Variants in FKBP5 observed in about 807,000 individuals in gnomAD.
FKBP5 encodes the protein FKBP prolyl isomerase 5, also known as peptidyl-prolyl cis-trans isomerase FKBP5.
In FKBP5, 23 loss-of-function variants were observed where a neutral mutation model predicts 50.5. That is an observed-to-expected ratio of 0.46 (90% CI 0.33 to 0.65). The LOEUF (loss-of-function observed/expected upper bound fraction) is 0.65, where lower values mean the gene tolerates loss of function less well. Among genes scored for constraint, FKBP5 ranks in the 30% least tolerant of loss-of-function variants. The pLI is 0.02. For missense variants in FKBP5, 411 were observed against 553.1 expected, an observed-to-expected ratio of 0.74 and a Z score of 2.58; for synonymous variants, 176 against 190.6, an observed-to-expected ratio of 0.92 and a Z score of 0.63.
intron 2 of FKBP5, among the ~76,000 whole-genome samples, chr6:35,641,716 C>A (rs1197443190): frequency 6.6e-6 from 1 of 151,970 alleles, no homozygotes; most frequent in Non-Finnish European, 1.5e-5. Flanking sequence ...AAAAATAAAC[C>A]CCTTTGGGCC....
At chr6:35,672,493 A>C (rs1765415364) in intron 1 of FKBP5, among the ~76,000 whole-genome samples, 1 of 151,640 alleles carries the variant, frequency 6.6e-6, no homozygotes, top group African/African-American at 2.4e-5. Context: ...TTAAAGAAAT[A>C]ATGTGGCAGA....
intron 3 of FKBP5, among the ~76,000 whole-genome samples, chr6:35,622,576 G>GT (rs956932787): frequency 7.2e-5 from 11 of 151,960 alleles, no homozygotes; most frequent in Admixed American, 7.2e-4. Flanking sequence ...GAGATGGAAA[G>GT]TGAAAGCTGA....
intron 5 of FKBP5, among the ~76,000 whole-genome samples, chr6:35,610,757 G>C (rs1763468464): frequency 6.6e-6 from 1 of 151,798 alleles, no homozygotes; most frequent in East Asian, 1.9e-4. Flanking sequence ...GTCACAGTCA[G>C]ACCGTAGTCT....
chr6:35,577,196 T>C lies in FKBP5; in HGVS notation c.1064A>G (p.Tyr355Cys). 2 of 1,613,316 alleles carry C rather than the reference T, an allele frequency of 1.2e-6. No homozygotes were observed. The highest frequency in any genetic ancestry group is 1.7e-6 in the Non-Finnish European group (2 of 1,179,504). Reference protein sequence around the residue: ...GLDSANEKGLYRRGEAQLLMN... With the variant: ...GLDSANEKGLCRRGEAQLLMN... ...GAGCAGCTGGGCTTCACCCCTCCTA[T>C]ACAAGCCTTTCTCATTGGCACTGTC... Residue 355 changes from tyrosine to cysteine, a missense_variant, in exon 10 of 11, where the codon TAT becomes TGT. Physicochemically the swap from Tyr to Cys is radical, Grantham distance 194. Around this residue, in one of 3 missense-constraint regions of FKBP5, gnomAD observed 267 missense variants for 405.9 expected, o/e 0.66. Transcript: ENST00000357266.
intron 8 of FKBP5, chr6:35,585,196 T>C (rs971672557): frequency 1.4e-5 from 14 of 975,888 alleles, no homozygotes; most frequent in Non-Finnish European, 1.6e-5. Flanking sequence ...AGGAAATATA[T>C]AAAATATAGT....
chr6:35,677,218 C>T (rs1188671324), intron 1 of FKBP5, among the ~76,000 whole-genome samples: 1 of 152,122 alleles, frequency 6.6e-6, no homozygotes, highest in Non-Finnish European at 1.5e-5. Context: ...GGACTACAGG[C>T]GCCTGCCACC....
intron 1 of FKBP5, among the ~76,000 whole-genome samples, chr6:35,654,688 G>A (rs1189976524): frequency 6.6e-6 from 1 of 152,118 alleles, no homozygotes; most frequent in Non-Finnish European, 1.5e-5. Context: ...GCAATGGCAC[G>A]ATCTCAGATC....
At chr6:35,602,779 G>C (rs1436933477) in intron 5 of FKBP5, among the ~76,000 whole-genome samples, 2 of 152,044 alleles carry the variant, frequency 1.3e-5, no homozygotes, top group Non-Finnish European at 2.9e-5. Context: ...CAGAACTGAC[G>C]GACAGATGCT....
intron 2 of FKBP5, among the ~76,000 whole-genome samples, chr6:35,707,802 C>T (rs55694295): frequency 0.14 from 21,335 of 152,056 alleles, 1,902 homozygotes; most frequent in Non-Finnish European, 0.2. Flanking sequence ...TGAGAACATG[C>T]GGTATTTGGT....
chr6:35,681,138 C>T (rs1401037624), intron 1 of FKBP5, among the ~76,000 whole-genome samples: 1 of 152,100 alleles, frequency 6.6e-6, no homozygotes, highest in African/African-American at 2.4e-5. Context: ...CAAGATCATC[C>T]TCATTTTCAA....
chr6:35,623,417 A>G (rs1337750214), intron 3 of FKBP5, among the ~76,000 whole-genome samples: 1 of 152,210 alleles, frequency 6.6e-6, no homozygotes, highest in African/African-American at 2.4e-5. Flanking sequence ...TGATGCATAT[A>G]TTACCAACAG....
Position 35,659,838 on chromosome 6 carries a change from T to G in FKBP5, c.-19-16995A>C, listed in dbSNP as rs1461310299. On this transcript the variant is annotated intron_variant, in intron 1 of 10. Transcript: ENST00000357266. ...TCAAAGAACCAGCTTTTGATTTCAC[T>G]GACTTTCTCTACTAGTTTTCTTTTT... Among the ~76,000 whole-genome samples, 5 of 84,886 alleles carry G rather than the reference T, an allele frequency of 5.9e-5. 2 individuals carry two copies. The highest frequency in any genetic ancestry group is 2.7e-5 in the Non-Finnish European group (1 of 36,802). The allele number at this position is 84,886 out of a possible 152,430, so 55.7% of individuals were successfully genotyped here. A position where few individuals can be genotyped will look rare whatever the true frequency, so the allele number is the denominator to read the frequency against.
intron 4 of FKBP5, 31 bp downstream of exon 4, chr6:35,620,101 G>A (rs1311369657): frequency 1.2e-6 from 2 of 1,613,740 alleles, no homozygotes; most frequent in Non-Finnish European, 1.7e-6. Flanking sequence ...TAGAGCAGAT[G>A]CTGACAAGGC....
At chr6:35,679,553 A>C (rs1243907861) in intron 1 of FKBP5, among the ~76,000 whole-genome samples, 1 of 152,242 alleles carries the variant, frequency 6.6e-6, no homozygotes, top group East Asian at 1.9e-4. Flanking sequence ...TGAGTAAAGA[A>C]AACATGGCAT....
intron 8 of FKBP5, chr6:35,580,876 T>TTA: frequency 2.0e-6 from 2 of 985,322 alleles, no homozygotes; most frequent in Non-Finnish European, 2.4e-6. Flanking sequence ...GTGAGCAGTT[T>TTA]TAGACTATGC....
At chr6:35,702,399 T>C (rs1213160513) in intron 2 of FKBP5, among the ~76,000 whole-genome samples, 1 of 150,876 alleles carries the variant, frequency 6.6e-6, no homozygotes, top group Non-Finnish European at 1.5e-5. Flanking sequence ...GAAAAGATAG[T>C]CTTTTGACAA....
intron 6 of FKBP5, among the ~76,000 whole-genome samples, chr6:35,596,990 A>G (rs1227904587): frequency 6.6e-6 from 1 of 152,228 alleles, no homozygotes; most frequent in African/African-American, 2.4e-5. Context: ...GCAATACTGC[A>G]GGCAAAACAA....
chr6:35,601,466 GA>G (rs1241364085), intron 5 of FKBP5, among the ~76,000 whole-genome samples: 3 of 152,204 alleles, frequency 2.0e-5, no homozygotes, highest in Non-Finnish European at 4.4e-5. Flanking sequence ...TGGAGCCACG[GA>G]AAGACTGCTG....
intron 1 of FKBP5, among the ~76,000 whole-genome samples, chr6:35,683,454 C>T (rs1264913827): frequency 1.3e-5 from 2 of 151,294 alleles, no homozygotes; most frequent in South Asian, 4.2e-4. Context: ...GACATCATGC[C>T]TGGTATATAT....
Sources: allele counts gnomAD v4.1 joint callset (sites outside exome capture counted in the v4.1 genomes callset), GRCh38; gene constraint gnomAD v4.1.1; regional missense constraint gnomAD v4.1.1; transcripts MANE v1.5; gene names NCBI Gene and HGNC (gene_info 2026-07-23, HGNC 2026-07-21).